The following FER variants were observed in gnomAD, a reference collection of about 807,000 sequenced individuals.
FER encodes the protein tyrosine-protein kinase Fer.
Under a neutral mutation model 111.0 loss-of-function variants are expected in FER, and 63 were observed. That is an observed-to-expected ratio of 0.57 (90% CI 0.46 to 0.70). FER has a LOEUF of 0.70. Among genes scored for constraint, FER ranks in the 30% least tolerant of loss-of-function variants. FER has a pLI of 0.00. For synonymous variants in FER, 327 were observed against 313.9 expected (o/e 1.04, Z -0.44); for missense variants, 914 against 954.0 (o/e 0.96, Z 0.55).
intron 3 of FER, among the ~76,000 whole-genome samples, chr5:108,807,113 C>T (rs1355554468): frequency 1.3e-5 from 2 of 152,164 alleles, no homozygotes; most frequent in Non-Finnish European, 2.9e-5. Context: ...GAATGAGTCT[C>T]ATGAGATCTG....
chr5:108,813,413 C>T (rs966238626), intron 3 of FER, among the ~76,000 whole-genome samples: 4 of 152,052 alleles, frequency 2.6e-5, no homozygotes, highest in Admixed American at 2.6e-4. Context: ...AACCCATGGG[C>T]TACTACAGTT....
chr5:108,924,364 A>AAAAAAAG, intron 10 of FER, among the ~76,000 whole-genome samples: 1 of 89,510 alleles, frequency 1.1e-5, no homozygotes, highest in African/African-American at 4.9e-5. Flanking sequence ...CTGTCTCAAA[A>AAAAAAAG]AAAAAAAAAA....
At chr5:109,059,036 G>A (rs923287864) in intron 16 of FER, among the ~76,000 whole-genome samples, 16 of 151,760 alleles carry the variant, frequency 1.1e-4, no homozygotes, top group African/African-American at 2.9e-4. Flanking sequence ...CACCATGCCC[G>A]GCCAATTTTA....
At chr5:109,036,862 G>A (rs1770478324) in intron 13 of FER, among the ~76,000 whole-genome samples, 1 of 151,928 alleles carries the variant, frequency 6.6e-6, no homozygotes, top group South Asian at 2.1e-4. Flanking sequence ...CTGGCCTTAT[G>A]CACCCTAGTG....
At chr5:109,097,690 C>T (rs149186259) in intron 16 of FER, among the ~76,000 whole-genome samples, 106 of 151,894 alleles carry the variant, frequency 7.0e-4, no homozygotes, top group Non-Finnish European at 1.3e-3. Flanking sequence ...TGGTGATAAT[C>T]GAGTATTGTG....
chr5:109,078,560 GC>G (rs1210364874), intron 16 of FER, among the ~76,000 whole-genome samples: 3 of 152,126 alleles, frequency 2.0e-5, no homozygotes, highest in Admixed American at 2.0e-4. Context: ...AGAGGAATAT[GC>G]CTCTGATTGG....
intron 5 of FER, among the ~76,000 whole-genome samples, chr5:108,862,380 C>A (rs945123518): frequency 6.6e-6 from 1 of 152,062 alleles, no homozygotes; most frequent in African/African-American, 2.4e-5. Flanking sequence ...TCATTTTACA[C>A]CAGCTAGAAA....
chr5:109,022,912 A>G (rs746457810), intron 13 of FER, among the ~76,000 whole-genome samples: 1 of 152,174 alleles, frequency 6.6e-6, no homozygotes, highest in African/African-American at 2.4e-5. Flanking sequence ...ATGCCCTATT[A>G]TGCTATAGAT....
intron 10 of FER, among the ~76,000 whole-genome samples, chr5:108,934,213 C>A (rs1468552502): frequency 2.0e-5 from 3 of 152,110 alleles, no homozygotes; most frequent in Non-Finnish European, 2.9e-5. Context: ...TGGCTTACTA[C>A]AAAGAGAGTA....
At chr5:108,989,538 A>G (rs961932652) in intron 13 of FER, among the ~76,000 whole-genome samples, 2 of 152,014 alleles carry the variant, frequency 1.3e-5, no homozygotes, top group African/African-American at 2.4e-5. Flanking sequence ...TAGGTCATTT[A>G]GCATATTCCT....
At chr5:109,173,771 A>T (rs114449836) in intron 17 of FER, among the ~76,000 whole-genome samples, 3,309 of 138,704 alleles carry the variant, frequency 0.024, 82 homozygotes, top group African/African-American at 0.051. Context: ...CCCCCCCACA[A>T]GTAACATACA....
At chr5:108,793,879 T>C (rs1438301425) in intron 2 of FER, among the ~76,000 whole-genome samples, 1 of 152,206 alleles carries the variant, frequency 6.6e-6, no homozygotes, top group African/African-American at 2.4e-5. Flanking sequence ...TTAACATGAT[T>C]GTATAAACAA....
In FER at chr5:108,820,444, A is replaced by G. The variant is rs956391961; in HGVS notation, c.208-12326A>G. 3.0e-6 allele frequency: 3 copies of G among 985,350 alleles called. No individual in the cohort carries two copies. In the African/African-American group the frequency reaches 5.2e-5, roughly 17 times the overall value. 61.0% of individuals were successfully genotyped at this position (985,350 alleles called of 1,614,324 possible). A position where few individuals can be genotyped will look rare whatever the true frequency, so the allele number is the denominator to read the frequency against. On this transcript the variant is annotated intron_variant, in intron 3 of 19. Coordinates refer to ENST00000281092, the MANE Select transcript of FER (RefSeq NM_005246.4). ...GTTACTGTTCTTCAAAAGAAGAACA[A>G]GAAAGGTGGCCCTTAAGTCCAAGAG...
intron 13 of FER, among the ~76,000 whole-genome samples, chr5:108,996,570 T>A (rs1764005452): frequency 6.6e-6 from 1 of 152,194 alleles, no homozygotes; most frequent in Non-Finnish European, 1.5e-5. Flanking sequence ...AAGATGGTTG[T>A]AGGTGTGTGG....
intron 3 of FER, among the ~76,000 whole-genome samples, chr5:108,827,003 T>C (rs1759542581): frequency 6.6e-6 from 1 of 152,180 alleles, no homozygotes; most frequent in Non-Finnish European, 1.5e-5. Context: ...AGTTTACTGA[T>C]TCAAACAATT....
At chr5:108,846,963 T>G (rs182019058) in intron 5 of FER, among the ~76,000 whole-genome samples, 1 of 152,100 alleles carries the variant, frequency 6.6e-6, no homozygotes, top group African/African-American at 2.4e-5. Flanking sequence ...AGACCAGCTT[T>G]TGGTCTTTTT....
At chr5:109,161,753 C>T (rs1286956709) in intron 17 of FER, among the ~76,000 whole-genome samples, 1 of 152,016 alleles carries the variant, frequency 6.6e-6, no homozygotes, top group Non-Finnish European at 1.5e-5. Flanking sequence ...TGGGTATATG[C>T]CCATTATGGG....
chr5:108,860,488 A>G (rs1158599564), intron 5 of FER, among the ~76,000 whole-genome samples: 1 of 152,234 alleles, frequency 6.6e-6, no homozygotes, highest in African/African-American at 2.4e-5. Flanking sequence ...ATCAAAGGAA[A>G]AGCTGAGACT....
At chr5:109,065,459 T>C (rs1774970484) in intron 16 of FER, among the ~76,000 whole-genome samples, 1 of 152,198 alleles carries the variant, frequency 6.6e-6, no homozygotes, top group African/African-American at 2.4e-5. Flanking sequence ...TTTTATGCCT[T>C]TTTAATTGTA....
Sources: allele counts gnomAD v4.1 joint callset (sites outside exome capture counted in the v4.1 genomes callset), GRCh38; gene constraint gnomAD v4.1.1; transcripts MANE v1.5; gene names NCBI Gene and HGNC (gene_info 2026-07-23, HGNC 2026-07-21).